Variants in RUNX2 observed in about 807,000 individuals in gnomAD.
The protein encoded by RUNX2 is runt-related transcription factor 2.
RUNX2 carries 10 observed loss-of-function variants against 51.7 expected under a neutral mutation model. The ratio of observed to expected loss-of-function variants is 0.19; its 90% CI spans 0.12 to 0.33. The LOEUF (loss-of-function observed/expected upper bound fraction) is 0.33. RUNX2 is among the 10% of genes least tolerant of loss of function. The pLI, the probability that RUNX2 is intolerant of heterozygous loss-of-function variation, is 1.00. For missense variants in RUNX2, 562 were observed against 691.3 expected, an observed-to-expected ratio of 0.81 and a Z score of 2.10; for synonymous variants, 276 against 273.6, an observed-to-expected ratio of 1.01 and a Z score of -0.09.
At chr6:45,350,576 A>G (rs1791804902) in intron 2 of RUNX2, among the ~76,000 whole-genome samples, 2 of 152,332 alleles carry the variant, frequency 1.3e-5, no homozygotes, top group African/African-American at 2.4e-5. Flanking sequence ...CTAAATGTTG[A>G]GAGTAGAAAT....
At chr6:45,496,057 G>A (rs1020427873) in intron 6 of RUNX2, among the ~76,000 whole-genome samples, 4 of 152,070 alleles carry the variant, frequency 2.6e-5, no homozygotes, top group Admixed American at 2.6e-4. Flanking sequence ...TCAGACATCT[G>A]CTGCTTGTCT....
chr6:45,525,662 G>A (rs1006853401), intron 7 of RUNX2, among the ~76,000 whole-genome samples: 4 of 152,128 alleles, frequency 2.6e-5, no homozygotes, highest in African/African-American at 9.7e-5. Flanking sequence ...GAAAGGGCAG[G>A]TTTTCTTACA....
At chr6:45,519,690 T>C (rs910149555) in intron 7 of RUNX2, among the ~76,000 whole-genome samples, 1 of 152,084 alleles carries the variant, frequency 6.6e-6, no homozygotes, top group African/African-American at 2.4e-5. Flanking sequence ...CTTGGTAATA[T>C]GCATTTAAGT....
At chr6:45,344,459 A>T (rs1221910836) in intron 2 of RUNX2, among the ~76,000 whole-genome samples, 1 of 151,928 alleles carries the variant, frequency 6.6e-6, no homozygotes, top group Non-Finnish European at 1.5e-5. Flanking sequence ...TTCATGTCCA[A>T]ATGAGCAGTG....
chr6:45,401,740 G>T (rs1315982871), intron 2 of RUNX2, among the ~76,000 whole-genome samples: 1 of 152,232 alleles, frequency 6.6e-6, no homozygotes, highest in Admixed American at 6.5e-5. Flanking sequence ...TGAACAACAG[G>T]CATACAAATG....
intron 2 of RUNX2, chr6:45,420,956 T>C (rs1366556959): frequency 6.6e-6 from 1 of 152,180 alleles, no homozygotes; most frequent in Non-Finnish European, 1.5e-5. Context: ...ACATTTTAGG[T>C]AAAAAGTGCC....
At chr6:45,466,259 G>A (rs920071453) in intron 5 of RUNX2, among the ~76,000 whole-genome samples, 1 of 151,774 alleles carries the variant, frequency 6.6e-6, no homozygotes, top group African/African-American at 2.4e-5. Context: ...GTTGCAGTGA[G>A]CCGAGATCCC....
At chr6:45,379,287 A>G (rs1325895571) in intron 2 of RUNX2, among the ~76,000 whole-genome samples, 1 of 152,246 alleles carries the variant, frequency 6.6e-6, no homozygotes, top group African/African-American at 2.4e-5. Context: ...AGGGAAAGTA[A>G]CAGAGTGAGT....
At chr6:45,355,292 ATAAT>A (rs1373306918) in intron 2 of RUNX2, among the ~76,000 whole-genome samples, 1 of 152,048 alleles carries the variant, frequency 6.6e-6, no homozygotes, top group African/African-American at 2.4e-5. Context: ...ATTTAATTTA[ATAAT>A]TAAGGTGTTA....
Position 45,370,321 on chromosome 6 carries a change from C to A in RUNX2, c.58+41537C>A, listed in dbSNP as rs952315371. On this transcript the variant is annotated intron_variant, in intron 2 of 8. Transcript: ENST00000647337. ...TGAGAGAAGCGCAGTCAAGGATGAC[C>A]GAATTCTGGAGCCTTAGAAACTGGT... is the stretch of plus-strand genomic sequence containing the variant. 2.0e-5 allele frequency among the ~76,000 whole-genome samples: 3 copies of A among 151,854 alleles called. No individual in the cohort carries two copies. The East Asian group carries it at 5.8e-4, about 29-fold the overall frequency.
At chr6:45,473,919 C>A (rs1478890040) in intron 5 of RUNX2, among the ~76,000 whole-genome samples, 1 of 152,196 alleles carries the variant, frequency 6.6e-6, no homozygotes, top group Non-Finnish European at 1.5e-5. Flanking sequence ...TTCACAAATG[C>A]CACCATGGTC....
At chr6:45,438,723 A>G (rs1798760566) in intron 5 of RUNX2, among the ~76,000 whole-genome samples, 2 of 152,180 alleles carry the variant, frequency 1.3e-5, no homozygotes, top group African/African-American at 4.8e-5. Context: ...TACTTGGGCC[A>G]ATATGTATGT....
intron 6 of RUNX2, among the ~76,000 whole-genome samples, chr6:45,499,448 G>A (rs1485794452): frequency 1.3e-5 from 2 of 152,220 alleles, no homozygotes; most frequent in African/African-American, 4.8e-5. Flanking sequence ...GGTGCAGCCT[G>A]TGCTGGCTTT....
At chr6:45,480,358 T>C (rs956909975) in intron 5 of RUNX2, among the ~76,000 whole-genome samples, 1 of 152,252 alleles carries the variant, frequency 6.6e-6, no homozygotes, top group South Asian at 2.1e-4. Context: ...TCTTTACCCA[T>C]CTGAATTTTA....
At chr6:45,523,053 A>C (rs890518138) in intron 7 of RUNX2, among the ~76,000 whole-genome samples, 1 of 152,216 alleles carries the variant, frequency 6.6e-6, no homozygotes, top group Non-Finnish European at 1.5e-5. Context: ...TTATATTGAT[A>C]ATGAATATAC....
chr6:45,535,440 T>G (rs367852276), intron 7 of RUNX2, among the ~76,000 whole-genome samples: 1 of 151,782 alleles, frequency 6.6e-6, no homozygotes. Flanking sequence ...CCATCTCTAC[T>G]AAAAATACAA....
At chr6:45,391,193 A>T (rs1797461416) in intron 2 of RUNX2, among the ~76,000 whole-genome samples, 1 of 152,162 alleles carries the variant, frequency 6.6e-6, no homozygotes, top group Non-Finnish European at 1.5e-5. Flanking sequence ...CCAAAGTTGG[A>T]GCTGGGGCCT....
chr6:45,452,675 C>G (rs1477677653), intron 5 of RUNX2, among the ~76,000 whole-genome samples: 4 of 152,146 alleles, frequency 2.6e-5, no homozygotes, highest in African/African-American at 4.8e-5. Flanking sequence ...CAGACACACA[C>G]ATGCACACGA....
At chr6:45,404,872 C>T (rs771411350) in intron 2 of RUNX2, among the ~76,000 whole-genome samples, 4 of 152,238 alleles carry the variant, frequency 2.6e-5, no homozygotes, top group Non-Finnish European at 4.4e-5. Context: ...TATAACTATA[C>T]GAACCAGCAA....
Sources: gnomAD v4.1 joint callset for allele counts (sites outside exome capture counted in the v4.1 genomes callset) on GRCh38, gnomAD v4.1.1 for gene constraint, MANE v1.5 for transcripts, NCBI Gene and HGNC (gene_info 2026-07-23, HGNC 2026-07-21) for gene names.